The following JAKMIP3 variants were observed in gnomAD, a reference collection of about 807,000 sequenced individuals.
JAKMIP3 encodes the protein Janus kinase and microtubule interacting protein 3.
In JAKMIP3, 58 loss-of-function variants were observed where a neutral mutation model predicts 118.5. The observed-to-expected ratio is 0.49, with a 90% CI of 0.40 to 0.61. The LOEUF is 0.61. Ranked by LOEUF, JAKMIP3 falls within the 20% of genes least tolerant of loss-of-function variation. JAKMIP3 has a pLI of 0.00. For synonymous variants in JAKMIP3, 486 were observed against 451.2 expected, an observed-to-expected ratio of 1.08 and a Z score of -0.98; for missense variants, 950 against 1,109.0, an observed-to-expected ratio of 0.86 and a Z score of 2.04.
intron 11 of JAKMIP3, 32 bp downstream of exon 11, chr10:132,142,080 C>A: frequency 6.4e-7 from 1 of 1,572,104 alleles, no homozygotes; most frequent in East Asian, 2.3e-5. Context: ...CGTTCCGGCC[C>A]CCCTCGTGCC....
chr10:132,113,800 G>T (rs1423307255), intron 2 of JAKMIP3, among the ~76,000 whole-genome samples: 3 of 152,234 alleles, frequency 2.0e-5, no homozygotes, highest in Non-Finnish European at 2.9e-5. Context: ...TATGACTGTG[G>T]ATGTGAGATG....
Position 132,071,913 on chromosome 10 carries a change from C to T in JAKMIP3, c.-138+5852C>T, listed in dbSNP as rs796524986. Among the ~76,000 whole-genome samples the T allele has an allele frequency of 2.6e-3, 32 of 12,324 alleles. 1 individual carries two copies. The Admixed American group carries it at 0.027, about 11-fold the overall frequency. 8.1% of individuals were successfully genotyped at this position (12,324 alleles called of 152,430 possible). ...CTTTCCTTTCTTTCTTCCCTTCCTT[C>T]CTTCCTTTCCTTCCTTTCTTTCCTT... On this transcript the variant is annotated intron_variant, in intron 1 of 23. Coordinates refer to ENST00000684848, the MANE Select transcript of JAKMIP3 (RefSeq NM_001323087.2).
intron 1 of JAKMIP3, among the ~76,000 whole-genome samples, chr10:132,099,123 T>G (rs1204553766): frequency 1.3e-5 from 2 of 151,852 alleles, no homozygotes; most frequent in African/African-American, 4.8e-5. Flanking sequence ...CTTCTCGGTG[T>G]CCTCTGCATC....
At chr10:132,064,046 C>T (rs1015069511), upstream of JAKMIP3, among the ~76,000 whole-genome samples, 15 of 152,152 alleles carry the variant, frequency 9.9e-5, no homozygotes, top group African/African-American at 3.4e-4. The surrounding 1 kb of genome is among the most constrained non-coding windows in gnomAD (Gnocchi z 4.4). Context: ...AGGTTGTTTA[C>T]GTCTTTCTGT....
chr10:132,117,433 C>T lies in JAKMIP3; in HGVS notation c.492C>T (p.Ala164=). 1.2e-6 allele frequency: 2 copies of T among 1,613,932 alleles called. No individual in the cohort carries two copies. The highest frequency in any genetic ancestry group is 2.2e-5 in the South Asian group (2 of 91,082). The change falls in exon 3 of 24, where the codon GCC becomes GCT. Residue 164 remains alanine (A), a synonymous_variant. Transcript: ENST00000684848. This position sits in a 1 kb window ranked among gnomAD's most constrained non-coding sequence, Gnocchi z 8.6. ...AGGAGATCTCCGAGCTCAAGGGCGC[C>T]AAAAGGCAGGTGGAGGAGGCGCTGA... ...MQQEISELKG[A]KRQVEEALTL... is the part of the protein sequence containing the mutation.
chr10:132,104,694 AC>A lies in JAKMIP3; in HGVS notation c.-114del, dbSNP rs1414222657. The A allele has an allele frequency of 9.5e-7, 1 of 1,055,118 alleles. No individual in the cohort carries two copies. The highest frequency in any genetic ancestry group is 1.4e-6 in the Non-Finnish European group (1 of 723,100). 65.4% of individuals were successfully genotyped at this position (1,055,118 alleles called of 1,614,324 possible). On this transcript the variant is annotated 5_prime_UTR_variant, in exon 2 of 24. It introduces an in-frame stop codon into an upstream open reading frame of the 5' UTR. Coordinates refer to ENST00000684848, the MANE Select transcript of JAKMIP3 (RefSeq NM_001323087.2). ...CAGGTGAATGAGAAGATGTAGTGTG[AC>A]AGCAGCCCGGGTGACACCTGCTGGG...
chr10:132,112,001 G>A lies in JAKMIP3; in HGVS notation c.136-5076G>A, dbSNP rs548506144. 4.2e-4 allele frequency among the ~76,000 whole-genome samples: 64 copies of A among 152,032 alleles called. No homozygotes were observed. Among genetic ancestry groups the A allele is most frequent in the Admixed American group, 2.0e-4 (3 of 15,266 alleles). ...GGTGTGTGGAACTGCTCTGGGACAC[G>A]GGGGAGAGGAGCCAGGAGGTGTTGG... On this transcript the variant is annotated intron_variant, in intron 2 of 23. Transcript: ENST00000684848. This position sits in a 1 kb window ranked among gnomAD's most constrained non-coding sequence, Gnocchi z 4.3.
intron 1 of JAKMIP3, among the ~76,000 whole-genome samples, chr10:132,047,631 A>ACC (rs528647437): frequency 4.3e-5 from 4 of 93,116 alleles, no homozygotes; most frequent in African/African-American, 1.5e-4. Context: ...CAGGGTCCCC[A>ACC]CCCCCCCCTG....
intron 1 of JAKMIP3, among the ~76,000 whole-genome samples, chr10:132,094,111 T>C (rs1479831454): frequency 1.3e-5 from 2 of 152,028 alleles, no homozygotes; most frequent in East Asian, 3.9e-4. Context: ...CTAATTTTTA[T>C]ATTTTTAGTA....
intron 1 of JAKMIP3, among the ~76,000 whole-genome samples, chr10:132,052,376 T>G (rs2038126710): frequency 6.6e-6 from 1 of 152,260 alleles, no homozygotes; most frequent in Non-Finnish European, 1.5e-5. Context: ...CTGCTCCTTC[T>G]CCTCCTTGAG....
At chr10:132,154,845 C>T (rs200129049) in intron 19 of JAKMIP3, among the ~76,000 whole-genome samples, 21,550 of 104,960 alleles carry the variant, frequency 0.21, 1,681 homozygotes, top group South Asian at 0.31. Flanking sequence ...ATGGTGGTGG[C>T]GGTGGTGGTG....
intron 1 of JAKMIP3, among the ~76,000 whole-genome samples, chr10:132,098,148 G>T (rs956513510): frequency 3.3e-5 from 5 of 151,412 alleles, no homozygotes; most frequent in African/African-American, 9.7e-5. Context: ...CGATCCTCCC[G>T]CCTCAGCCTC....
At chr10:132,097,438 C>T (rs895256693) in intron 1 of JAKMIP3, among the ~76,000 whole-genome samples, 10 of 152,040 alleles carry the variant, frequency 6.6e-5, no homozygotes, top group African/African-American at 9.7e-5. Context: ...AAGCATCACA[C>T]GGACTCTCGG....
chr10:132,070,321 T>C (rs2039635785), intron 1 of JAKMIP3, among the ~76,000 whole-genome samples: 1 of 152,110 alleles, frequency 6.6e-6, no homozygotes, highest in African/African-American at 2.4e-5. Flanking sequence ...CTAAATTTTG[T>C]ATTTTTAGTA....
intron 2 of JAKMIP3, among the ~76,000 whole-genome samples, chr10:132,108,221 T>A (rs553090844): frequency 6.6e-6 from 1 of 152,270 alleles, no homozygotes; most frequent in Non-Finnish European, 1.5e-5. Context: ...TGGACCTTGG[T>A]CCTGCTGGAG....
intron 1 of JAKMIP3, among the ~76,000 whole-genome samples, chr10:132,092,582 G>C (rs1039166853): frequency 6.6e-6 from 1 of 152,056 alleles, no homozygotes; most frequent in Non-Finnish European, 1.5e-5. Flanking sequence ...TTGTGCATTT[G>C]TCACGTAGTT....
chr10:132,133,439 G>T lies in JAKMIP3; in HGVS notation c.761G>T (p.Arg254Leu). The change falls in exon 4 of 24, where the codon CGA becomes CTA. Residue 254 changes from arginine (R) to leucine (L), a missense_variant. Transcript: ENST00000684848. ...EALDEQLSQV[R>L]EADRHPGSPR... ...CTAGATGAGCAGCTGTCCCAGGTCC[G>T]AGAGGCCGACCGGCACCCGGGCAGC... The T allele has an allele frequency of 6.3e-7, 1 of 1,589,820 alleles. No individual in the cohort carries two copies. Among genetic ancestry groups the T allele is most frequent in the Non-Finnish European group, 8.6e-7 (1 of 1,168,702 alleles).
rs1369081276 is a variant in JAKMIP3, at chr10:132,112,612, A to G, written c.136-4465A>G. On this transcript the variant is annotated intron_variant, in intron 2 of 23. Transcript: ENST00000684848. This position sits in a 1 kb window ranked among gnomAD's most constrained non-coding sequence, Gnocchi z 4.3. ...TTTATGTGAATGTCTTGCATTTTAA[A>G]GAAGTCTCCTGCCTTCCCCTGGGGA... Among the ~76,000 whole-genome samples, 1 of 152,212 alleles carries G rather than the reference A, an allele frequency of 6.6e-6. No homozygotes were observed. Among genetic ancestry groups the G allele is most frequent in the African/African-American group, 2.4e-5 (1 of 41,454 alleles).
At chr10:132,047,097 G>A (rs1361074056) in intron 1 of JAKMIP3, among the ~76,000 whole-genome samples, 1 of 152,158 alleles carries the variant, frequency 6.6e-6, no homozygotes, top group South Asian at 2.1e-4. Context: ...ATGTTGCCCA[G>A]GCTAGTCTTG....
Sources: allele counts gnomAD v4.1 joint callset (sites outside exome capture counted in the v4.1 genomes callset), GRCh38; gene constraint gnomAD v4.1.1; non-coding constraint Gnocchi (gnomAD v3.1); transcripts MANE v1.5; gene names NCBI Gene and HGNC (gene_info 2026-07-23, HGNC 2026-07-21).